Variants in NUP188 observed in about 807,000 individuals in gnomAD.
NUP188 encodes nucleoporin 188, also known as nucleoporin NUP188.
In NUP188, 97 loss-of-function variants were observed where a neutral mutation model predicts 223.0. That is an observed-to-expected ratio of 0.43 (90% confidence interval 0.37 to 0.51). NUP188 has a LOEUF of 0.51. Ranked by LOEUF, NUP188 falls within the 20% of genes least tolerant of loss-of-function variation. NUP188 has a pLI of 0.00. For missense variants in NUP188, 1,947 were observed against 2,175.6 expected, an observed-to-expected ratio of 0.89 and a Z score of 2.09; for synonymous variants, 869 against 828.0, an observed-to-expected ratio of 1.05 and a Z score of -0.85.
intron 8 of NUP188, among the ~76,000 whole-genome samples, chr9:128,964,507 G>A (rs1051034890): frequency 5.3e-5 from 8 of 150,704 alleles, no homozygotes; most frequent in Middle Eastern, 3.4e-3. Flanking sequence ...GACTACAAGC[G>A]GGTACCACCA....
intron 13 of NUP188, among the ~76,000 whole-genome samples, chr9:128,979,936 A>G (rs1842232994): frequency 6.6e-6 from 1 of 152,102 alleles, no homozygotes; most frequent in Non-Finnish European, 1.5e-5. Flanking sequence ...CCGGCCTTCC[A>G]ACCCACCAGT....
rs1462452263 is a variant in NUP188 at position 128,982,976 on chromosome 9, A to G, written c.1744A>G (p.Ile582Val). 6.2e-7 allele frequency: 1 copy of G among 1,614,018 alleles called. No homozygotes were observed. Among genetic ancestry groups the G allele is most frequent in the Non-Finnish European group, 8.5e-7 (1 of 1,180,010 alleles). ...TAAGGTCATCAGTACAGACCTGTCG[A>G]TAGCAGACTGTCTCCTGCCCATCAC... ...VHKVISTDLS[I>V]ADCLLPITSR... The change falls in exon 17 of 44, where the codon ATA (isoleucine) becomes GTA (valine). Residue 582 changes from isoleucine to valine, a missense_variant. Physicochemically the swap from Ile to Val is conservative, Grantham distance 29 (BLOSUM62 3). Around this residue, in one of 3 missense-constraint regions of NUP188, gnomAD observed 817 missense variants for 865.8 expected, o/e 0.94. Coordinates refer to ENST00000372577, the MANE Select transcript of NUP188 (RefSeq NM_015354.3).
intron 12 of NUP188, among the ~76,000 whole-genome samples, chr9:128,975,861 G>A (rs557018634): frequency 6.6e-6 from 1 of 151,906 alleles, no homozygotes; most frequent in Non-Finnish European, 1.5e-5. Flanking sequence ...TCACTCTGTC[G>A]CCCAGGCTGG....
intron 22 of NUP188, among the ~76,000 whole-genome samples, chr9:128,987,088 AGT>A (rs376346210): frequency 0.08 from 9,059 of 112,684 alleles, 316 homozygotes; most frequent in Admixed American, 0.11. Context: ...AGAGAGAGAG[AGT>A]GTGTGTGTGT....
chr9:128,993,379 T>C lies in NUP188; in HGVS notation c.2823T>C (p.Val941=). ...GLIELFLNLE[V]KDGSDGSKEF... is the part of the protein sequence containing the mutation. ...TCGAACTGTTTCTGAACCTGGAAGT[T>C]AAGGATGGCAGTGATGGCTCAAAGG... is the stretch of plus-strand genomic sequence containing the variant. Residue 941 remains valine (V), a synonymous_variant, in exon 26 of 44, where the codon GTT becomes GTC. Coordinates refer to ENST00000372577, the MANE Select transcript of NUP188 (RefSeq NM_015354.3). 6.2e-7 allele frequency: 1 copy of C among 1,614,170 alleles called. No individual in the cohort carries two copies. Among genetic ancestry groups the C allele is most frequent in the Non-Finnish European group, 8.5e-7 (1 of 1,180,016 alleles).
intron 11 of NUP188, among the ~76,000 whole-genome samples, chr9:128,971,698 G>A (rs954295342): frequency 2.6e-5 from 4 of 152,120 alleles, no homozygotes; most frequent in African/African-American, 4.8e-5. Flanking sequence ...GATTACAGGC[G>A]TGAGCCACCG....
chr9:129,006,544 G>GC lies in NUP188; in HGVS notation c.5121dup (p.Ser1708GlnfsTer24), dbSNP rs766118555. On this transcript the variant is annotated frameshift_variant, in exon 44 of 44. Transcript: ENST00000372577. LOFTEE classifies it high-confidence loss of function. ...CCTCTCGCGCTACTTCCGCCGGGGA[G>GC]CCCCCAGCTCCCCTGCCACTGGTGT... The GC allele has an allele frequency of 1.2e-6, 2 of 1,613,910 alleles. No homozygotes were observed. Among genetic ancestry groups the GC allele is most frequent in the Non-Finnish European group, 8.5e-7 (1 of 1,179,960 alleles).
intron 2 of NUP188, among the ~76,000 whole-genome samples, chr9:128,949,604 T>A (rs1841748712): frequency 6.6e-6 from 1 of 151,788 alleles, no homozygotes; most frequent in Admixed American, 6.6e-5. Context: ...ATTGCTGTGA[T>A]TATAGGCGTG....
chr9:128,995,517 A>G lies in NUP188; in HGVS notation c.3351+3A>G, dbSNP rs1038703870. ...TTCTCATCATTGCCACCACTCATGT[A>G]AGACCCTTTTGGGGAGAGTTTTCAC... On this transcript the variant is annotated splice_donor_region_variant and intron_variant, in intron 30 of 43. Coordinates refer to ENST00000372577, the MANE Select transcript of NUP188 (RefSeq NM_015354.3). 1.3e-6 allele frequency: 2 copies of G among 1,578,290 alleles called. No individual in the cohort carries two copies. Among genetic ancestry groups the G allele is most frequent in the Non-Finnish European group, 1.7e-6 (2 of 1,163,826 alleles).
At position 128,958,749 on chromosome 9, in the gene NUP188, G is replaced by C. The variant is rs1841904066; in HGVS notation, c.373-53G>C. 1.0e-5 allele frequency: 10 copies of C among 957,768 alleles called. No homozygotes were observed. The East Asian group carries it at 2.5e-4, about 24-fold the overall frequency. 59.3% of individuals were successfully genotyped at this position (957,768 alleles called of 1,614,324 possible). Reference sequence around the variant, plus strand: ...TGAAATTATCACTAAATTTAAACTTGAGTTTCCTATGTGCAAAGGTGAGTA... The same window carrying C: ...TGAAATTATCACTAAATTTAAACTTCAGTTTCCTATGTGCAAAGGTGAGTA... On this transcript the variant is annotated intron_variant, in intron 6 of 43. Coordinates refer to ENST00000372577, the MANE Select transcript of NUP188 (RefSeq NM_015354.3).
intron 12 of NUP188, among the ~76,000 whole-genome samples, chr9:128,975,376 AC>A (rs1842161992): frequency 6.6e-6 from 1 of 151,364 alleles, no homozygotes; most frequent in South Asian, 2.1e-4. Flanking sequence ...GGCGCCTGCC[AC>A]CATGCCTGGC....
chr9:128,979,174 G>A (rs1174023005), intron 12 of NUP188, 88 bp from the exon 13 acceptor site: 1 of 935,484 alleles, frequency 1.1e-6, no homozygotes, highest in African/African-American at 1.6e-5. Context: ...TTGGTGTTTT[G>A]GTGTTTTTAT....
chr9:129,000,761 G>A (rs1316026173), intron 34 of NUP188, among the ~76,000 whole-genome samples: 4 of 151,838 alleles, frequency 2.6e-5, no homozygotes, highest in Non-Finnish European at 4.4e-5. Context: ...TTTATGGGCC[G>A]GGCACGGTGG....
At chr9:128,954,125 C>T (rs1841835447) in intron 3 of NUP188, among the ~76,000 whole-genome samples, 1 of 152,140 alleles carries the variant, frequency 6.6e-6, no homozygotes, top group African/African-American at 2.4e-5. Context: ...CCGTCATACC[C>T]AGCCTATTGT....
chr9:128,947,768 A>G lies in NUP188; in HGVS notation c.32+17A>G. ...GTGTGTGAGGTGCGGAGCGGGTCGAATGGACCGGGGTGGCTGTGAAGCGCG... is the reference window on the plus strand; with the variant it reads ...GTGTGTGAGGTGCGGAGCGGGTCGAGTGGACCGGGGTGGCTGTGAAGCGCG... On this transcript the variant is annotated intron_variant, in intron 1 of 43. Transcript: ENST00000372577. The G allele has an allele frequency of 7.0e-7, 1 of 1,433,434 alleles. No individual in the cohort carries two copies. The highest frequency in any genetic ancestry group is 2.7e-5 in the East Asian group (1 of 36,658). 88.8% of individuals were successfully genotyped at this position (1,433,434 alleles called of 1,614,324 possible).
chr9:128,994,811 C>A (rs1358689246), intron 28 of NUP188, 45 bp from the exon 29 acceptor site: 1 of 1,476,052 alleles, frequency 6.8e-7, no homozygotes, highest in Middle Eastern at 1.7e-4. Flanking sequence ...TGGGGGAGAT[C>A]AGTGATCAGA....
At chr9:128,957,312 T>G (rs1322581652) in intron 5 of NUP188, among the ~76,000 whole-genome samples, 1 of 152,158 alleles carries the variant, frequency 6.6e-6, no homozygotes, top group Non-Finnish European at 1.5e-5. Context: ...CACTCCAGCC[T>G]AGGCAAAAGA....
At chr9:128,986,526 T>C (rs1324434017) in intron 20 of NUP188, 32 bp from the exon 21 acceptor site, 1 of 1,603,580 alleles carries the variant, frequency 6.2e-7, no homozygotes, top group Non-Finnish European at 8.5e-7. Context: ...TCCTTAAATG[T>C]GCGGAAGTCC....
chr9:128,995,082 C>A, intron 29 of NUP188, 159 bp downstream of exon 29: 2 of 655,190 alleles, frequency 3.1e-6, no homozygotes, highest in Non-Finnish European at 5.4e-6. Context: ...GCCAATCCAC[C>A]GATGGCATTT....
Sources: gnomAD v4.1 joint callset for allele counts (sites outside exome capture counted in the v4.1 genomes callset) on GRCh38, gnomAD v4.1.1 for gene constraint, gnomAD v4.1.1 regional missense constraint, MANE v1.5 for transcripts, NCBI Gene and HGNC (gene_info 2026-07-23, HGNC 2026-07-21) for gene names.